ABL2: variants seen among roughly 807,000 people sequenced by gnomAD.
The protein encoded by ABL2 is ABL proto-oncogene 2, non-receptor tyrosine kinase.
A neutral mutation model predicts 107.7 loss-of-function variants in ABL2; 49 were observed. The ratio of observed to expected loss-of-function variants is 0.45; its 90% CI spans 0.36 to 0.58. ABL2 has a LOEUF of 0.58. Among genes scored for constraint, ABL2 ranks in the 20% least tolerant of loss-of-function variants. The pLI is 0.00. For missense variants in ABL2, 1,245 were observed against 1,457.0 expected (o/e 0.85, Z 2.37); for synonymous variants, 549 against 548.6 (o/e 1.00, Z -0.01).
intron 1 of ABL2, among the ~76,000 whole-genome samples, chr1:179,198,515 A>G (rs1051264926): frequency 1.3e-5 from 2 of 151,782 alleles, no homozygotes; most frequent in Non-Finnish European, 2.9e-5. Context: ...CAACATGGTG[A>G]AACCCCCGTC....
Position 179,099,968 on chromosome 1 carries a change from G to A in ABL2, c.*7750C>T, listed in dbSNP as rs757089820. On this transcript the variant is annotated 3_prime_UTR_variant, in exon 12 of 12. Coordinates refer to ENST00000502732, the MANE Select transcript of ABL2 (RefSeq NM_007314.4). ...TGTTCATCCAAGGAAAGATCTGAGC[G>A]ATTCCTCTTTTACTTACTCCCCCTT... The A allele has an allele frequency of 3.4e-5, 8 of 232,510 alleles. No homozygotes were observed. Among genetic ancestry groups the A allele is most frequent in the African/African-American group, 1.8e-4 (8 of 45,382 alleles). 14.4% of individuals were successfully genotyped at this position (232,510 alleles called of 1,614,324 possible). A position where few individuals can be genotyped will look rare whatever the true frequency, so the allele number is the denominator to read the frequency against.
intron 1 of ABL2, among the ~76,000 whole-genome samples, chr1:179,190,129 A>C (rs1332958045): frequency 6.6e-6 from 1 of 152,080 alleles, no homozygotes; most frequent in Non-Finnish European, 1.5e-5. Context: ...GGTGTCTTAC[A>C]ATTTAACTCA....
intron 1 of ABL2, among the ~76,000 whole-genome samples, chr1:179,159,049 G>A (rs1198543549): frequency 6.6e-6 from 1 of 152,180 alleles, no homozygotes; most frequent in African/African-American, 2.4e-5. Context: ...TGGTGGTCAA[G>A]AGCATAGATG....
chr1:179,104,597 A>C lies in ABL2; in HGVS notation c.*3121T>G, dbSNP rs1396385037. The C allele has an allele frequency of 4.8e-6, 1 of 208,392 alleles. No individual in the cohort carries two copies. The highest frequency in any genetic ancestry group is 9.8e-6 in the Non-Finnish European group (1 of 102,334). The allele number at this position is 208,392 out of a possible 1,614,324, so 12.9% of individuals were successfully genotyped here. On this transcript the variant is annotated 3_prime_UTR_variant, in exon 12 of 12. Transcript: ENST00000502732. Reference sequence around the variant, plus strand: ...TTAAGGCTAATCTCTGAAAATCATGATGGAAGTCTACAGGAAAATATATAC... The same window carrying C: ...TTAAGGCTAATCTCTGAAAATCATGCTGGAAGTCTACAGGAAAATATATAC...
intron 1 of ABL2, among the ~76,000 whole-genome samples, chr1:179,195,706 A>T (rs1397711263): frequency 2.6e-5 from 4 of 151,558 alleles, no homozygotes; most frequent in African/African-American, 4.8e-5. Context: ...GCCCTTAAAT[A>T]AAAAAAAAGA....
In ABL2 at chr1:179,107,911, T is replaced by C; in HGVS notation, c.3356A>G (p.Tyr1119Cys). The change falls in exon 12 of 12, where the codon TAC (tyrosine) becomes TGC (cysteine). Residue 1119 changes from tyrosine to cysteine, a missense_variant. Around this residue, in one of 3 missense-constraint regions of ABL2, gnomAD observed 761 missense variants for 766.4 expected, o/e 0.99. Coordinates refer to ENST00000502732, the MANE Select transcript of ABL2 (RefSeq NM_007314.4). ...LVDTGHQLLD[Y>C]CSGYVDCIPQ... ...GATGCAGTCCACATAGCCTGAGCAG[T>C]AGTCAAGCAGCTGGTGTCCAGTGTC... is the stretch of plus-strand genomic sequence containing the variant. 1 of 1,614,138 alleles carries C rather than the reference T, an allele frequency of 6.2e-7. No homozygotes were observed. Among genetic ancestry groups the C allele is most frequent in the Non-Finnish European group, 8.5e-7 (1 of 1,180,034 alleles).
At chr1:179,229,208 CA>C in intron 1 of ABL2, 32 bp downstream of exon 1, 1 of 1,488,032 alleles carries the variant, frequency 6.7e-7, no homozygotes, top group South Asian at 1.3e-5. Flanking sequence ...CGGCCTCCCC[CA>C]CGCTCTCATG....
chr1:179,189,323 G>A (rs372553060), intron 1 of ABL2, among the ~76,000 whole-genome samples: 17 of 152,032 alleles, frequency 1.1e-4, no homozygotes, highest in African/African-American at 3.6e-4. Flanking sequence ...TAGTAGAGAC[G>A]GGGTTTCACC....
intron 1 of ABL2, among the ~76,000 whole-genome samples, chr1:179,190,401 A>C (rs1660931916): frequency 6.6e-6 from 1 of 152,212 alleles, no homozygotes; most frequent in South Asian, 2.1e-4. Flanking sequence ...ACACAGAGCA[A>C]GGTGTGGGAG....
intron 1 of ABL2, among the ~76,000 whole-genome samples, chr1:179,179,377 T>C (rs1016687932): frequency 6.6e-6 from 1 of 151,746 alleles, no homozygotes; most frequent in Non-Finnish European, 1.5e-5. Context: ...GGCAAAAAAA[T>C]AAAATTTAAA....
chr1:179,120,073 C>G (rs1233451473), intron 6 of ABL2, 117 bp downstream of exon 6: 3 of 596,382 alleles, frequency 5.0e-6, no homozygotes, highest in Non-Finnish European at 8.6e-6. Flanking sequence ...GCCTGGACAA[C>G]AGAGCGAGAC....
intron 1 of ABL2, among the ~76,000 whole-genome samples, chr1:179,193,971 T>A (rs960353858): frequency 6.6e-6 from 1 of 152,072 alleles, no homozygotes; most frequent in African/African-American, 2.4e-5. Flanking sequence ...CCTGGCCAAA[T>A]TTTTAAGTGA....
intron 9 of ABL2, among the ~76,000 whole-genome samples, chr1:179,114,259 A>T (rs180738023): frequency 4.6e-4 from 70 of 152,010 alleles, no homozygotes; most frequent in African/African-American, 1.6e-3. Flanking sequence ...AAAAAAAAAA[A>T]ATTAGCTGGG....
chr1:179,189,159 G>C (rs951209988), intron 1 of ABL2, among the ~76,000 whole-genome samples: 1 of 152,152 alleles, frequency 6.6e-6, no homozygotes. Context: ...TTTTGAGACA[G>C]AGTTTCACTC....
chr1:179,152,564 G>A (rs779917038), intron 1 of ABL2, among the ~76,000 whole-genome samples: 54 of 152,150 alleles, frequency 3.5e-4, no homozygotes, highest in African/African-American at 1.1e-3. Context: ...GCATGTGTGC[G>A]TTTGTGTTTG....
At chr1:179,139,302 C>T (rs1015555698) in intron 1 of ABL2, among the ~76,000 whole-genome samples, 2 of 152,034 alleles carry the variant, frequency 1.3e-5, no homozygotes, top group African/African-American at 2.4e-5. Flanking sequence ...ACTCCAAACG[C>T]GCTACCTTAA....
Position 179,108,125 on chromosome 1 carries a change from G to C in ABL2, c.3142C>G (p.Leu1048Val). 1.2e-6 allele frequency: 2 copies of C among 1,614,246 alleles called. No individual in the cohort carries two copies. Among genetic ancestry groups the C allele is most frequent in the South Asian group, 1.1e-5 (1 of 91,090 alleles). ...RPVMPPPQVP[L>V]PTSSISPAKM... ...GCTGGCGAGATGGAAGATGTGGGCA[G>C]AGGCACTTGAGGTGGAGGCATCACT... Residue 1048 changes from leucine to valine, a missense_variant, in exon 12 of 12, where the codon CTG becomes GTG. Transcript: ENST00000502732.
At chr1:179,110,187 G>A in intron 11 of ABL2, 95 bp downstream of exon 11, 1 of 1,428,302 alleles carries the variant, frequency 7.0e-7, no homozygotes, top group Non-Finnish European at 9.8e-7. Context: ...TCCCCAGGGA[G>A]GACGGGCATG....
At chr1:179,121,012 C>A (rs1046108400) in intron 5 of ABL2, among the ~76,000 whole-genome samples, 5 of 56,672 alleles carry the variant, frequency 8.8e-5, no homozygotes, top group African/African-American at 2.4e-4. Context: ...AGAAACAGAA[C>A]TGACTACTAC....
Sources: allele counts gnomAD v4.1 joint callset (sites outside exome capture counted in the v4.1 genomes callset), GRCh38; gene constraint gnomAD v4.1.1; regional missense constraint gnomAD v4.1.1; transcripts MANE v1.5; gene names NCBI Gene and HGNC (gene_info 2026-07-23, HGNC 2026-07-21).